Variants in TMEM219 observed in about 807,000 individuals in gnomAD.
The protein encoded by TMEM219 is transmembrane protein 219.
TMEM219 carries 18 observed loss-of-function variants against 17.9 expected under a neutral mutation model. The observed-to-expected ratio is 1.01, with a 90% CI of 0.70 to 1.49. TMEM219 has a LOEUF of 1.49. Among genes scored for constraint, TMEM219 ranks in the 40% most tolerant of loss-of-function variants. The pLI is 0.00. For missense variants in TMEM219, 288 were observed against 292.4 expected, an observed-to-expected ratio of 0.99 and a Z score of 0.11; for synonymous variants, 113 against 124.0, an observed-to-expected ratio of 0.91 and a Z score of 0.59.
chr16:29,964,729 G>A (rs1596576690), intron 3 of TMEM219, among the ~76,000 whole-genome samples: 1 of 151,576 alleles, frequency 6.6e-6, no homozygotes, highest in East Asian at 1.9e-4. Context: ...CTGTGGGGTC[G>A]GGTATCAGAA....
chr16:29,963,396 A>G lies in TMEM219; in HGVS notation c.166-4A>G, dbSNP rs1373384685. On this transcript the variant is annotated splice_region_variant and splice_polypyrimidine_tract_variant and intron_variant, in intron 2 of 5. Coordinates refer to ENST00000279396, the MANE Select transcript of TMEM219 (RefSeq NM_001083613.2). ...TCATCTCACCCGTCTTCTTTTGCTC[A>G]CAGGACTGGGTCTCTTTTTTGAGAT... The G allele has an allele frequency of 3.1e-6, 5 of 1,613,874 alleles. No homozygotes were observed. The highest frequency in any genetic ancestry group is 4.2e-6 in the Non-Finnish European group (5 of 1,179,854).
intron 4 of TMEM219, among the ~76,000 whole-genome samples, chr16:29,968,844 T>C (rs1596580247): frequency 6.6e-6 from 1 of 152,230 alleles, no homozygotes; most frequent in East Asian, 1.9e-4. Flanking sequence ...TTATCCCATT[T>C]TACAGATGAG....
chr16:29,963,152 C>G lies in TMEM219; in HGVS notation c.9C>G (p.Asn3Lys), dbSNP rs1465990800. 1.9e-6 allele frequency: 3 copies of G among 1,612,134 alleles called. No individual in the cohort carries two copies. In the Admixed American group the frequency reaches 5.0e-5, roughly 27 times the overall value. Residue 3 changes from asparagine (N) to lysine (K), a missense_variant, in exon 2 of 6, where the codon AAC becomes AAG. Transcript: ENST00000279396. The stretch of plus-strand genomic sequence containing the variant: ...AGCCCCCTCTGCTCCCCATGGGCAA[C>G]TGCCAGGCAGGGCACAACCTGCACC... MG[N>K]CQAGHNLHLC...
At chr16:29,963,730 A>G in intron 3 of TMEM219, 141 bp downstream of exon 3, 1 of 776,274 alleles carries the variant, frequency 1.3e-6, no homozygotes, top group Non-Finnish European at 2.0e-6. Flanking sequence ...TAAAAATACA[A>G]AAATTAGCCA....
At chr16:29,971,640 C>G in intron 5 of TMEM219, 62 bp downstream of exon 5, 9 of 1,021,628 alleles carry the variant, frequency 8.8e-6, no homozygotes, top group Non-Finnish European at 1.0e-5. Context: ...GGGTTGTAAC[C>G]GGGGTAGAGC....
In TMEM219 at chr16:29,963,236, C is replaced by T. The variant is rs1038567068; in HGVS notation, c.93C>T (p.Gly31=). Residue 31 remains glycine, a synonymous_variant, in exon 2 of 6, where the codon GGC becomes GGT. Coordinates refer to ENST00000279396, the MANE Select transcript of TMEM219 (RefSeq NM_001083613.2). Reference sequence around the variant, plus strand: ...CCACTTTGATCCTGCTGCTCCTTGGCCTCTCTGGCCTGGGCCTTGGCAGCT... The same window carrying T: ...CCACTTTGATCCTGCTGCTCCTTGGTCTCTCTGGCCTGGGCCTTGGCAGCT... ...VCATLILLLL[G]LSGLGLGSFL... The T allele has an allele frequency of 1.2e-6, 2 of 1,614,042 alleles. No individual in the cohort carries two copies. The highest frequency in any genetic ancestry group is 1.1e-5 in the South Asian group (1 of 91,086).
intron 3 of TMEM219, among the ~76,000 whole-genome samples, chr16:29,965,564 C>CAAAAAAAA (rs35045736): frequency 2.8e-4 from 23 of 82,844 alleles, no homozygotes; most frequent in South Asian, 3.9e-4. Context: ...ACTAAAAATA[C>CAAAAAAAA]AAAAAAAAAA....
intron 1 of TMEM219, 134 bp from the exon 2 acceptor site, chr16:29,962,973 C>T (rs992684791): frequency 1.4e-6 from 1 of 740,578 alleles, no homozygotes; most frequent in Non-Finnish European, 2.3e-6. Flanking sequence ...CTTTTGGAGT[C>T]GGGAACCTTG....
rs1445817500 is a variant in TMEM219, at chr16:29,962,126, C to G, written c.-44C>G. 2 of 151,970 alleles carry G rather than the reference C, an allele frequency of 1.3e-5. No individual in the cohort carries two copies. The highest frequency in any genetic ancestry group is 2.4e-5 in the African/African-American group (1 of 41,404). 9.4% of individuals were successfully genotyped at this position (151,970 alleles called of 1,614,324 possible). On this transcript the variant is annotated 5_prime_UTR_variant, in exon 1 of 6. Transcript: ENST00000279396. ...GGGGGGCGCCGGCCTCCGCCCGGCC[C>G]CGAGGGGTAAGAGCGAGCGGCTGGC... is the stretch of plus-strand genomic sequence containing the variant.
intron 4 of TMEM219, among the ~76,000 whole-genome samples, chr16:29,971,119 A>G (rs1225748481): frequency 7.9e-5 from 12 of 151,514 alleles, no homozygotes; most frequent in African/African-American, 2.9e-4. Flanking sequence ...GGTGGCGGGC[A>G]CCTGTAGTCC....
intron 3 of TMEM219, among the ~76,000 whole-genome samples, chr16:29,965,564 CAAAA>C (rs35045736): frequency 6.0e-5 from 5 of 82,844 alleles, no homozygotes; most frequent in Non-Finnish European, 9.3e-5. Context: ...ACTAAAAATA[CAAAA>C]AAAAAAAAAA....
At chr16:29,969,036 G>T (rs1338451640) in intron 4 of TMEM219, among the ~76,000 whole-genome samples, 1 of 152,070 alleles carries the variant, frequency 6.6e-6, no homozygotes, top group Non-Finnish European at 1.5e-5. Flanking sequence ...CCAGGCAAAG[G>T]CACCAGCATG....
At chr16:29,971,917 G>T in intron 5 of TMEM219, 1 of 171,576 alleles carries the variant, frequency 5.8e-6, no homozygotes, top group Non-Finnish European at 1.3e-5. Context: ...AACCCCCCAT[G>T]GTCCCTTCCT....
chr16:29,963,326 G>A lies in TMEM219; in HGVS notation c.165+18G>A, dbSNP rs76667270. On this transcript the variant is annotated intron_variant, in intron 2 of 5. Coordinates refer to ENST00000279396, the MANE Select transcript of TMEM219 (RefSeq NM_001083613.2). The stretch of plus-strand genomic sequence containing the variant: ...TCCCCCAGGTAAGTTCCCCACCCCC[G>A]TACCCGCTCTTCCTTCCAACCTAGA... 1,321 of 1,613,442 alleles carry A rather than the reference G, an allele frequency of 8.2e-4. 19 individuals are homozygous for A. The East Asian group carries it at 0.026, about 31-fold the overall frequency.
intron 3 of TMEM219, among the ~76,000 whole-genome samples, 187 bp downstream of exon 3, chr16:29,963,776 G>A (rs773091190): frequency 1.3e-5 from 2 of 150,240 alleles, no homozygotes; most frequent in Non-Finnish European, 3.0e-5. Flanking sequence ...CCAACTACTC[G>A]GGAGGCTGAG....
intron 4 of TMEM219, 99 bp downstream of exon 4, chr16:29,968,353 C>A: frequency 9.9e-7 from 1 of 1,012,874 alleles, no homozygotes; most frequent in Non-Finnish European, 1.5e-6. Flanking sequence ...AGAAAAAGCA[C>A]AGGTTTTATA....
intron 1 of TMEM219, among the ~76,000 whole-genome samples, 151 bp downstream of exon 1, chr16:29,962,283 C>A (rs1273942909): frequency 6.6e-6 from 1 of 152,152 alleles, no homozygotes; most frequent in African/African-American, 2.4e-5. Context: ...TCCCTTTAAC[C>A]CCCTTCCAGC....
At chr16:29,969,482 A>G (rs2069254699) in intron 4 of TMEM219, among the ~76,000 whole-genome samples, 1 of 152,010 alleles carries the variant, frequency 6.6e-6, no homozygotes, top group Admixed American at 6.6e-5. Flanking sequence ...GGTGTGAGCC[A>G]CTGCGCCTGG....
At position 29,968,209 on chromosome 16, in the gene TMEM219, T is replaced by C. The variant is rs935374687; in HGVS notation, c.540T>C (p.Ser180=). ...CTAGAATGGGTGAGGAATGTGTTAG[T>C]GTCTGGAGCCATGAAGGCCTTGTGC... ...LSPRMGEECV[S]VWSHEGLVLT... is the part of the protein sequence containing the mutation. Residue 180 remains serine (S), a synonymous_variant, in exon 4 of 6, where the codon AGT becomes AGC. Transcript: ENST00000279396. The C allele has an allele frequency of 3.7e-6, 6 of 1,614,216 alleles. No homozygotes were observed. The highest frequency in any genetic ancestry group is 1.1e-5 in the South Asian group (1 of 91,086).
Sources: allele counts gnomAD v4.1 joint callset (sites outside exome capture counted in the v4.1 genomes callset), GRCh38; gene constraint gnomAD v4.1.1; transcripts MANE v1.5; gene names NCBI Gene and HGNC (gene_info 2026-07-23, HGNC 2026-07-21).